CAMTA1: variants seen among roughly 807,000 people sequenced by gnomAD.
CAMTA1 encodes calmodulin-binding transcription activator 1.
A neutral mutation model predicts 170.9 loss-of-function variants in CAMTA1; 27 were observed. That is an observed-to-expected ratio of 0.16 (90% CI 0.12 to 0.22). CAMTA1 has a LOEUF of 0.22. Ranked by LOEUF, CAMTA1 falls within the 10% of genes least tolerant of loss-of-function variation. The pLI is 1.00. For synonymous variants in CAMTA1, 833 were observed against 891.5 expected (o/e 0.93, Z 1.17); for missense variants, 1,619 against 2,217.2 (o/e 0.73, Z 5.42).
intron 3 of CAMTA1, among the ~76,000 whole-genome samples, chr1:7,024,502 G>A (rs1701788705): frequency 6.6e-6 from 1 of 152,222 alleles, no homozygotes; most frequent in African/African-American, 2.4e-5. Flanking sequence ...AGGGTAAATA[G>A]GATACTTTTG....
At chr1:7,535,065 G>A (rs34371913) in intron 6 of CAMTA1, among the ~76,000 whole-genome samples, 17,413 of 152,166 alleles carry the variant, frequency 0.11, 1,325 homozygotes, top group Non-Finnish European at 0.17. Flanking sequence ...ACCACAGGCC[G>A]CCCGCCCCAC....
chr1:7,242,231 A>G (rs1664988371), intron 4 of CAMTA1, among the ~76,000 whole-genome samples: 1 of 152,232 alleles, frequency 6.6e-6, no homozygotes, highest in African/African-American at 2.4e-5. Flanking sequence ...TGCAAATTAA[A>G]ACCACAATAC....
At chr1:7,629,636 T>C (rs531043405) in intron 6 of CAMTA1, among the ~76,000 whole-genome samples, 1 of 152,334 alleles carries the variant, frequency 6.6e-6, no homozygotes, top group East Asian at 1.9e-4. Context: ...TCCACTGTTA[T>C]CTTTCTGGAC....
chr1:6,794,896 T>TG (rs150806891), intron 1 of CAMTA1, among the ~76,000 whole-genome samples: 4,467 of 150,594 alleles, frequency 0.03, 64 homozygotes, highest in African/African-American at 0.043. Context: ...TTTTGTTTTT[T>TG]TTGTTTTTTT....
At chr1:7,371,065 C>T (rs1312973918) in intron 5 of CAMTA1, among the ~76,000 whole-genome samples, 2 of 151,606 alleles carry the variant, frequency 1.3e-5, no homozygotes, top group Non-Finnish European at 2.9e-5. Flanking sequence ...GTGCCCACTA[C>T]CACGCGCAGG....
In CAMTA1 at chr1:7,728,119, A is replaced by C. The variant is rs180682980; in HGVS notation, c.2915-4329A>C. On this transcript the variant is annotated intron_variant, in intron 11 of 22. Transcript: ENST00000303635. ...TTCTCAGAGCAGCTTAATATCATGC[A>C]CTCATGGCATAGCAACAGGGAATGC... 1.5e-4 allele frequency among the ~76,000 whole-genome samples: 23 copies of C among 152,340 alleles called. No individual in the cohort carries two copies. The East Asian group carries it at 4.4e-3, about 29-fold the overall frequency.
At chr1:7,492,163 C>T (rs536800281) in intron 6 of CAMTA1, among the ~76,000 whole-genome samples, 140 of 152,316 alleles carry the variant, frequency 9.2e-4, no homozygotes, top group African/African-American at 3.2e-3. Context: ...TAAGCAAGTC[C>T]TCCTTGGTAG....
chr1:7,604,196 G>A (rs61359591), intron 6 of CAMTA1, among the ~76,000 whole-genome samples: 2,077 of 152,222 alleles, frequency 0.014, 50 homozygotes, highest in African/African-American at 0.046. Flanking sequence ...TCTTTGTGGC[G>A]TTCTCTGTAT....
intron 3 of CAMTA1, among the ~76,000 whole-genome samples, chr1:7,070,148 C>T (rs896705457): frequency 3.9e-5 from 6 of 152,224 alleles, no homozygotes; most frequent in Non-Finnish European, 8.8e-5. Context: ...GCCTCAGGGG[C>T]TGCACTGGCC....
chr1:7,044,257 T>C lies in CAMTA1; in HGVS notation c.235-47047T>C, dbSNP rs1458402290. ...GCTGCTGGGCCTGTTCACACACGGT[T>C]GGGACTGGCCAAGGGTCTCACCCAG... is the stretch of plus-strand genomic sequence containing the variant. On this transcript the variant is annotated intron_variant, in intron 3 of 22. Transcript: ENST00000303635. This position sits in a 1 kb window ranked among gnomAD's most constrained non-coding sequence, Gnocchi z 5.0. 6.6e-6 allele frequency among the ~76,000 whole-genome samples: 1 copy of C among 152,170 alleles called. No individual in the cohort carries two copies. The highest frequency in any genetic ancestry group is 1.9e-4 in the East Asian group (1 of 5,180).
At chr1:7,497,908 C>A (rs1458453632) in intron 6 of CAMTA1, among the ~76,000 whole-genome samples, 1 of 152,204 alleles carries the variant, frequency 6.6e-6, no homozygotes, top group Non-Finnish European at 1.5e-5. Flanking sequence ...AGCCCACCCA[C>A]AACCCAGGCA....
intron 4 of CAMTA1, among the ~76,000 whole-genome samples, chr1:7,097,186 A>T (rs1318081458): frequency 6.6e-6 from 1 of 152,182 alleles, no homozygotes; most frequent in African/African-American, 2.4e-5. Context: ...TTCAGCTGTC[A>T]TGAGTGAGTC....
intron 4 of CAMTA1, among the ~76,000 whole-genome samples, chr1:7,135,897 A>C (rs1195567714): frequency 6.6e-6 from 1 of 152,208 alleles, no homozygotes; most frequent in African/African-American, 2.4e-5. Context: ...TCAGTTGCTT[A>C]ACCCAATAAA....
At chr1:7,236,035 T>A in intron 4 of CAMTA1, among the ~76,000 whole-genome samples, 1 of 152,166 alleles carries the variant, frequency 6.6e-6, no homozygotes, top group East Asian at 1.9e-4. Context: ...CCTCTTTTCA[T>A]AAACAGCTGA....
rs1013180328 is a variant in CAMTA1 at position 7,588,539 on chromosome 1, G to A, written c.511-51861G>A. Among the ~76,000 whole-genome samples, 2 of 152,324 alleles carry A rather than the reference G, an allele frequency of 1.3e-5. No individual in the cohort carries two copies. Among genetic ancestry groups the A allele is most frequent in the East Asian group, 3.9e-4 (2 of 5,170 alleles). ...CTTGGTGTGCCCAAGGCCACGAAGT[G>A]GAGCCCAGGTCTTGCAGACTCCAGA... On this transcript the variant is annotated intron_variant, in intron 6 of 22. Transcript: ENST00000303635. The surrounding 1 kb of genome is among the most constrained non-coding windows in gnomAD (Gnocchi z 5.8).
rs372670562 is a variant in CAMTA1, at chr1:6,971,005, C to T, written c.235-120299C>T. On this transcript the variant is annotated intron_variant, in intron 3 of 22. Coordinates refer to ENST00000303635, the MANE Select transcript of CAMTA1 (RefSeq NM_015215.4). This position sits in a 1 kb window ranked among gnomAD's most constrained non-coding sequence, Gnocchi z 4.6. Reference sequence around the variant, plus strand: ...CTCCCTGGCCTTTGGAGGGAAGACCCTCTGGTTCGGGCCTTCCTTCCTTCT... The same window carrying T: ...CTCCCTGGCCTTTGGAGGGAAGACCTTCTGGTTCGGGCCTTCCTTCCTTCT... Among the ~76,000 whole-genome samples, 77 of 152,324 alleles carry T rather than the reference C, an allele frequency of 5.1e-4. No individual in the cohort carries two copies. The highest frequency in any genetic ancestry group is 1.8e-3 in the African/African-American group (76 of 41,582).
chr1:7,669,531 G>A (rs12736485), intron 9 of CAMTA1, among the ~76,000 whole-genome samples: 3 of 152,224 alleles, frequency 2.0e-5, no homozygotes, highest in Non-Finnish European at 4.4e-5. Context: ...CACGGAGTTG[G>A]GGGGTAGGGA....
intron 3 of CAMTA1, chr1:6,886,326 G>A (rs977562975): frequency 1.3e-5 from 6 of 445,062 alleles, no homozygotes; most frequent in South Asian, 4.9e-5. Flanking sequence ...AGAGGAACTC[G>A]TATTTTATGT....
chr1:6,922,291 T>C (rs1338613428), intron 3 of CAMTA1, among the ~76,000 whole-genome samples: 1 of 152,224 alleles, frequency 6.6e-6, no homozygotes, highest in Non-Finnish European at 1.5e-5. Flanking sequence ...GTGAGATTTG[T>C]GTATTGTTTC....
Sources: allele counts gnomAD v4.1 joint callset (sites outside exome capture counted in the v4.1 genomes callset), GRCh38; gene constraint gnomAD v4.1.1; non-coding constraint Gnocchi (gnomAD v3.1); transcripts MANE v1.5; gene names NCBI Gene and HGNC (gene_info 2026-07-23, HGNC 2026-07-21).